Variants in ZNF438 observed in about 807,000 individuals in gnomAD.
ZNF438 encodes the protein zinc finger protein 438.
A neutral mutation model predicts 38.0 loss-of-function variants in ZNF438; 25 were observed. The ratio of observed to expected loss-of-function variants is 0.66; its 90% CI spans 0.48 to 0.92. The LOEUF is 0.92. Ranked by LOEUF, ZNF438 falls within the 40% of genes least tolerant of loss-of-function variation. The pLI, the probability that ZNF438 is intolerant of heterozygous loss-of-function variation, is 0.00. For synonymous variants in ZNF438, 372 were observed against 364.1 expected, an observed-to-expected ratio of 1.02 and a Z score of -0.25; for missense variants, 1,007 against 999.6, an observed-to-expected ratio of 1.01 and a Z score of -0.10.
At chr10:31,017,548 T>C (rs1055390036) in intron 1 of ZNF438, among the ~76,000 whole-genome samples, 1 of 152,220 alleles carries the variant, frequency 6.6e-6, no homozygotes, top group African/African-American at 2.4e-5. Context: ...CACAAGAAAG[T>C]AGTAACCACA....
intron 2 of ZNF438, among the ~76,000 whole-genome samples, chr10:30,922,419 T>C (rs1367742991): frequency 6.6e-6 from 1 of 152,220 alleles, no homozygotes; most frequent in East Asian, 1.9e-4. Context: ...AAAAGATAAG[T>C]TTGAAAATAA....
intron 3 of ZNF438, among the ~76,000 whole-genome samples, chr10:30,879,915 T>C (rs1440158760): frequency 6.6e-6 from 1 of 152,096 alleles, no homozygotes; most frequent in Non-Finnish European, 1.5e-5. Flanking sequence ...TAAGAAAGAA[T>C]GGCAGAACAT....
Position 31,031,819 on chromosome 10 carries a change from C to G in ZNF438, c.-192+14G>C, listed in dbSNP as rs1442624927. 6.5e-6 allele frequency: 1 copy of G among 152,860 alleles called. No individual in the cohort carries two copies. The highest frequency in any genetic ancestry group is 2.1e-4 in the South Asian group (1 of 4,838). The allele number at this position is 152,860 out of a possible 1,614,324, so 9.5% of individuals were successfully genotyped here. ...CGCAAGCCCTAGGAGCTGCAGGAAT[C>G]CTCGTAAACTTACAGTTTTCCTACA... On this transcript the variant is annotated intron_variant, in intron 1 of 5. Transcript: ENST00000413025.
At chr10:30,884,008 A>G (rs2039623033) in intron 3 of ZNF438, among the ~76,000 whole-genome samples, 1 of 152,228 alleles carries the variant, frequency 6.6e-6, no homozygotes, top group Admixed American at 6.5e-5. Flanking sequence ...TTAAAGTGCT[A>G]CATAATCTTC....
At chr10:30,915,865 G>A (rs1020067275) in intron 2 of ZNF438, among the ~76,000 whole-genome samples, 2 of 151,946 alleles carry the variant, frequency 1.3e-5, no homozygotes, top group African/African-American at 4.8e-5. Context: ...CAGCATTAGT[G>A]GAAAGAGGTC....
At chr10:30,968,857 G>C (rs978370152) in intron 1 of ZNF438, among the ~76,000 whole-genome samples, 42 of 152,232 alleles carry the variant, frequency 2.8e-4, no homozygotes, top group African/African-American at 9.6e-4. Context: ...TTAGAGACCC[G>C]TGGTTGGGAT....
At chr10:31,001,235 C>G (rs997473224) in intron 1 of ZNF438, among the ~76,000 whole-genome samples, 2 of 152,192 alleles carry the variant, frequency 1.3e-5, no homozygotes, top group African/African-American at 4.8e-5. Flanking sequence ...AAAACAACTA[C>G]CATTTATATT....
chr10:30,943,374 G>T (rs78454972), intron 1 of ZNF438, among the ~76,000 whole-genome samples: 12,069 of 152,112 alleles, frequency 0.079, 573 homozygotes, highest in Non-Finnish European at 0.11. Flanking sequence ...GGAAAGGGAG[G>T]AGGAGAGAAG....
At chr10:30,875,191 A>G (rs1014126458) in intron 4 of ZNF438, 9 of 937,300 alleles carry the variant, frequency 9.6e-6, no homozygotes, top group African/African-American at 1.8e-5. Context: ...ATCCAAGCTT[A>G]TGTGATAGCC....
intron 1 of ZNF438, among the ~76,000 whole-genome samples, chr10:30,979,513 T>C (rs947582852): frequency 6.6e-6 from 1 of 152,140 alleles, no homozygotes; most frequent in African/African-American, 2.4e-5. Context: ...CTTCAAACTA[T>C]ACTACAAGGC....
At chr10:30,848,948 C>G in exon 5 of ZNF438, 1 of 1,614,090 alleles carries the variant, frequency 6.2e-7, no homozygotes, top group Non-Finnish European at 8.5e-7. Flanking sequence ...AGGGGAAGAG[C>G]TGTTGTCTTG....
At chr10:30,849,618 C>T (rs368281969) in exon 5 of ZNF438, 1 of 1,614,150 alleles carries the variant, frequency 6.2e-7, no homozygotes, top group Non-Finnish European at 8.5e-7. Context: ...GCAAGATCAA[C>T]TTGTTCTTTA....
At chr10:30,889,127 T>C (rs1298036000) in intron 3 of ZNF438, among the ~76,000 whole-genome samples, 2 of 152,200 alleles carry the variant, frequency 1.3e-5, no homozygotes, top group South Asian at 2.1e-4. Context: ...ATTTGCTCAA[T>C]TGTAATAACA....
rs191970748 is a variant in ZNF438 at position 30,893,374 on chromosome 10, C to A, written c.-32+15559G>T. ...TACAAATGGGAAAAGGAGTCCGTTG[C>A]AAGAGACAGTGCTGCTGCCCAACAT... On this transcript the variant is annotated intron_variant, in intron 3 of 5. Coordinates refer to ENST00000413025, the Ensembl canonical transcript of ZNF438. Among the ~76,000 whole-genome samples the A allele has an allele frequency of 6.6e-5, 10 of 152,260 alleles. No individual in the cohort carries two copies. The East Asian group carries it at 1.7e-3, about 26-fold the overall frequency.
chr10:30,992,809 C>T (rs1316391850), intron 1 of ZNF438, among the ~76,000 whole-genome samples: 1 of 152,246 alleles, frequency 6.6e-6, no homozygotes, highest in East Asian at 1.9e-4. Flanking sequence ...AAATGAGGAG[C>T]AAGGTACTAG....
chr10:31,005,194 CAAT>C (rs2055005662), intron 1 of ZNF438, among the ~76,000 whole-genome samples: 1 of 152,078 alleles, frequency 6.6e-6, no homozygotes, highest in Non-Finnish European at 1.5e-5. Context: ...GATTTAGAAA[CAAT>C]AATAGCCAAG....
intron 2 of ZNF438, among the ~76,000 whole-genome samples, chr10:30,930,669 T>C (rs1409074568): frequency 6.6e-6 from 1 of 150,950 alleles, no homozygotes; most frequent in Non-Finnish European, 1.5e-5. Flanking sequence ...TAGCCGGCCA[T>C]GGTGGTGAGT....
At chr10:30,988,611 C>T (rs1026731195) in intron 1 of ZNF438, among the ~76,000 whole-genome samples, 4 of 151,896 alleles carry the variant, frequency 2.6e-5, no homozygotes, top group East Asian at 1.9e-4. Flanking sequence ...ATTATATTTA[C>T]GCTATTTTTA....
At chr10:31,009,825 C>G (rs2055496093) in intron 1 of ZNF438, among the ~76,000 whole-genome samples, 1 of 151,496 alleles carries the variant, frequency 6.6e-6, no homozygotes, top group African/African-American at 2.4e-5. Context: ...TAGGCCATCA[C>G]CTGGTTCTTA....
Sources: gnomAD v4.1 joint callset for allele counts (sites outside exome capture counted in the v4.1 genomes callset) on GRCh38, gnomAD v4.1.1 for gene constraint, MANE v1.5 for transcripts, NCBI Gene and HGNC (gene_info 2026-07-23, HGNC 2026-07-21) for gene names.